CCDC146: variants seen among roughly 807,000 people sequenced by gnomAD.
CCDC146 encodes coiled-coil domain containing 146.
Under a neutral mutation model 119.3 loss-of-function variants are expected in CCDC146, and 92 were observed. The ratio of observed to expected loss-of-function variants is 0.77; its 90% CI spans 0.65 to 0.92. The LOEUF is 0.92. CCDC146 is among the 40% of genes least tolerant of loss of function. CCDC146 has a pLI of 0.00. For missense variants in CCDC146, 1,000 were observed against 1,103.0 expected, an observed-to-expected ratio of 0.91 and a Z score of 1.32; for synonymous variants, 372 against 371.8, an observed-to-expected ratio of 1.00 and a Z score of -0.01.
chr7:77,280,413 C>T lies in CCDC146; in HGVS notation c.1695-16C>T, dbSNP rs1391513454. The stretch of plus-strand genomic sequence containing the variant: ...AGAAAATTATAATCTTACCCATTGT[C>T]TTATTACTTTAAAAGAAAGCTACAA... On this transcript the variant is annotated splice_polypyrimidine_tract_variant and intron_variant, in intron 13 of 18. Coordinates refer to ENST00000285871, the MANE Select transcript of CCDC146 (RefSeq NM_020879.3). 3 of 1,581,964 alleles carry T rather than the reference C, an allele frequency of 1.9e-6. No individual in the cohort carries two copies. The highest frequency in any genetic ancestry group is 2.6e-6 in the Non-Finnish European group (3 of 1,161,038).
chr7:77,244,713 C>T (rs1021086909), intron 4 of CCDC146, among the ~76,000 whole-genome samples: 4 of 152,180 alleles, frequency 2.6e-5, no homozygotes, highest in African/African-American at 4.8e-5. Flanking sequence ...TGCCTAACGA[C>T]GCGTCTCTCA....
chr7:77,199,530 G>A (rs1200278284), intron 2 of CCDC146: 6 of 1,614,040 alleles, frequency 3.7e-6, no homozygotes, highest in African/African-American at 1.3e-5. Context: ...GACTATTTAC[G>A]ATTTCCTTGA....
intron 2 of CCDC146, among the ~76,000 whole-genome samples, chr7:77,204,192 A>G (rs1222987959): frequency 6.6e-6 from 1 of 152,180 alleles, no homozygotes; most frequent in Non-Finnish European, 1.5e-5. Flanking sequence ...TCTTTAAAGA[A>G]TATGTGCTTT....
chr7:77,199,870 G>C lies in CCDC146; in HGVS notation c.156+32046G>C. ...TAATAGCGGCAGCTGCCTGAGTCAG[G>C]CTTTCTGTGTTCCCAGGAAAGGGTG... is the stretch of plus-strand genomic sequence containing the variant. On this transcript the variant is annotated intron_variant, in intron 2 of 18. Coordinates refer to ENST00000285871, the MANE Select transcript of CCDC146 (RefSeq NM_020879.3). The C allele has an allele frequency of 2.0e-6, 3 of 1,504,776 alleles. No individual in the cohort carries two copies. In the South Asian group the frequency reaches 3.9e-5, roughly 20 times the overall value. The allele number at this position is 1,504,776 out of a possible 1,614,324, so 93.2% of individuals were successfully genotyped here.
intron 2 of CCDC146, among the ~76,000 whole-genome samples, chr7:77,171,101 A>G (rs1791414342): frequency 6.6e-6 from 1 of 152,214 alleles, no homozygotes; most frequent in Admixed American, 6.5e-5. Context: ...CAAATCAAAA[A>G]TAAGGCTAAA....
chr7:77,225,563 A>C (rs1413900238), intron 2 of CCDC146, among the ~76,000 whole-genome samples: 2 of 152,098 alleles, frequency 1.3e-5, no homozygotes, highest in Admixed American at 1.3e-4. Flanking sequence ...TAAAAAAAAA[A>C]ACAAAAACTA....
intron 9 of CCDC146, among the ~76,000 whole-genome samples, chr7:77,265,702 G>A (rs1020796575): frequency 6.6e-5 from 10 of 152,114 alleles, no homozygotes; most frequent in African/African-American, 2.2e-4. Flanking sequence ...ATGGACCATC[G>A]TTTCTGCTAT....
chr7:77,224,192 C>G (rs895933317), intron 2 of CCDC146, among the ~76,000 whole-genome samples: 1 of 152,202 alleles, frequency 6.6e-6, no homozygotes, highest in Non-Finnish European at 1.5e-5. Flanking sequence ...GAAGTCCAAC[C>G]TGAGCCTCAG....
At chr7:77,260,350 T>A (rs1392848424) in intron 8 of CCDC146, 114 bp downstream of exon 8, 4 of 721,786 alleles carry the variant, frequency 5.5e-6, no homozygotes, top group Admixed American at 3.3e-5. Flanking sequence ...AAAATAATTT[T>A]AAATCAACTT....
At chr7:77,148,877 T>A (rs1165570980) in intron 1 of CCDC146, among the ~76,000 whole-genome samples, 2 of 151,892 alleles carry the variant, frequency 1.3e-5, no homozygotes, top group African/African-American at 4.8e-5. Context: ...ATAAGAAGAA[T>A]CAATACTGTG....
intron 2 of CCDC146, among the ~76,000 whole-genome samples, chr7:77,175,865 A>G (rs1450601800): frequency 2.0e-5 from 3 of 151,240 alleles, no homozygotes; most frequent in Non-Finnish European, 2.9e-5. Context: ...ATTTATGGAC[A>G]TAAAGCATAA....
At chr7:77,182,022 T>C (rs937097030) in intron 2 of CCDC146, among the ~76,000 whole-genome samples, 6 of 152,196 alleles carry the variant, frequency 3.9e-5, no homozygotes, top group Admixed American at 2.0e-4. Flanking sequence ...GCCAAGTTAT[T>C]ACCTTCTGAG....
chr7:77,136,936 G>C (rs1268519389), intron 1 of CCDC146, among the ~76,000 whole-genome samples: 1 of 152,072 alleles, frequency 6.6e-6, no homozygotes, highest in Non-Finnish European at 1.5e-5. Flanking sequence ...AATATGCAAG[G>C]CTGGTTCAAC....
chr7:77,155,296 C>T (rs1192904680), intron 1 of CCDC146, among the ~76,000 whole-genome samples: 1 of 152,030 alleles, frequency 6.6e-6, no homozygotes, highest in Non-Finnish European at 1.5e-5. Flanking sequence ...TCAGCCTTGC[C>T]ACCTCATGGA....
chr7:77,148,659 A>T (rs937270040), intron 1 of CCDC146, among the ~76,000 whole-genome samples: 36 of 152,136 alleles, frequency 2.4e-4, no homozygotes, highest in African/African-American at 8.4e-4. Flanking sequence ...ATGTGCAAAA[A>T]TCACAAGCAT....
At chr7:77,256,686 C>T (rs1383512004) in intron 6 of CCDC146, among the ~76,000 whole-genome samples, 177 bp downstream of exon 6, 1 of 152,162 alleles carries the variant, frequency 6.6e-6, no homozygotes, top group African/African-American at 2.4e-5. Flanking sequence ...CACAAAAGAC[C>T]TTAGGGTGTT....
intron 1 of CCDC146, among the ~76,000 whole-genome samples, chr7:77,129,775 T>C (rs1218318252): frequency 4.6e-5 from 7 of 152,274 alleles, no homozygotes; most frequent in East Asian, 3.9e-4. Context: ...TTTCTACTTA[T>C]TGATATTCTC....
At chr7:77,216,334 G>A (rs576577811) in intron 2 of CCDC146, among the ~76,000 whole-genome samples, 2 of 151,976 alleles carry the variant, frequency 1.3e-5, no homozygotes, top group Non-Finnish European at 2.9e-5. Flanking sequence ...TGCCAACCTG[G>A]ACTACCTAAA....
chr7:77,146,782 G>A (rs1791027471), intron 1 of CCDC146, among the ~76,000 whole-genome samples: 1 of 152,216 alleles, frequency 6.6e-6, no homozygotes. Flanking sequence ...GAGATCCACT[G>A]TTAGTCTGAT....
Sources: allele counts gnomAD v4.1 joint callset (sites outside exome capture counted in the v4.1 genomes callset), GRCh38; gene constraint gnomAD v4.1.1; transcripts MANE v1.5; gene names NCBI Gene and HGNC (gene_info 2026-07-23, HGNC 2026-07-21).